The following TXNDC5 variants were observed in gnomAD, a reference collection of about 807,000 sequenced individuals.
TXNDC5 encodes the protein thioredoxin domain containing 5, also known as thioredoxin domain-containing protein 5.
TXNDC5 carries 44 observed loss-of-function variants against 52.6 expected under a neutral mutation model. That is an observed-to-expected ratio of 0.84 (90% CI 0.66 to 1.08). TXNDC5 has a LOEUF of 1.08. Among genes scored for constraint, TXNDC5 ranks in the 50% least tolerant of loss-of-function variants. The pLI is 0.00. For missense variants in TXNDC5, 600 were observed against 565.5 expected (o/e 1.06, Z -0.62); for synonymous variants, 241 against 234.4 (o/e 1.03, Z -0.26).
At position 7,888,756 on chromosome 6, in the gene TXNDC5, G is replaced by A. The variant is rs944865454; in HGVS notation, c.912C>T (p.Thr304=). 11 of 1,613,924 alleles carry A rather than the reference G, an allele frequency of 6.8e-6. No homozygotes were observed. Among genetic ancestry groups the A allele is most frequent in the African/African-American group, 2.7e-5 (2 of 74,944 alleles). Residue 304 remains threonine, a synonymous_variant, in exon 7 of 10, where the codon ACC becomes ACT. Coordinates refer to ENST00000379757, the MANE Select transcript of TXNDC5 (RefSeq NM_030810.5). The stretch of plus-strand genomic sequence containing the variant: ...GCACCGGGGCCTCTGAGGGCGTGAC[G>A]GTCTCCGTCGCTCCAGTCTCTGTGC... ...LQRTETGATE[T]VTPSEAPVLA...
intron 2 of TXNDC5, chr6:7,900,269 C>T (rs568175721): frequency 6.6e-6 from 1 of 152,276 alleles, no homozygotes; most frequent in African/African-American, 2.4e-5. Flanking sequence ...CTGAAGGAAT[C>T]TGCAGAGAGG....
rs138056096 is a variant in TXNDC5, at chr6:7,899,757, A to G, written c.414-76T>C. The G allele has an allele frequency of 5.9e-6, 7 of 1,185,414 alleles. No homozygotes were observed. The East Asian group carries it at 1.7e-4, about 29-fold the overall frequency. The allele number at this position is 1,185,414 out of a possible 1,614,324, so 73.4% of individuals were successfully genotyped here. ...AGAGAGCAAACTCATTTAGTGAAACAATCAGAAAATGAGCTGTCAAGGGGC... is the reference window on the plus strand; with the variant it reads ...AGAGAGCAAACTCATTTAGTGAAACGATCAGAAAATGAGCTGTCAAGGGGC... On this transcript the variant is annotated intron_variant, in intron 2 of 9. Coordinates refer to ENST00000379757, the MANE Select transcript of TXNDC5 (RefSeq NM_030810.5).
intron 2 of TXNDC5, among the ~76,000 whole-genome samples, chr6:7,900,987 G>A (rs1760546797): frequency 6.6e-6 from 1 of 152,048 alleles, no homozygotes; most frequent in Non-Finnish European, 1.5e-5. Flanking sequence ...TTAAAATGAA[G>A]TCACATGGCT....
At chr6:7,883,677 G>A (rs903714391) in intron 9 of TXNDC5, among the ~76,000 whole-genome samples, 14 of 152,084 alleles carry the variant, frequency 9.2e-5, no homozygotes, top group African/African-American at 3.4e-4. Context: ...ATCCTCTTGA[G>A]GATACATGTT....
intron 2 of TXNDC5, 100 bp from the exon 3 acceptor site, chr6:7,899,781 G>T: frequency 2.4e-6 from 2 of 819,408 alleles, no homozygotes; most frequent in Non-Finnish European, 3.8e-6. Flanking sequence ...CTGTCAAGGG[G>T]CTGCAGCCAG....
chr6:7,908,422 C>T (rs1323104626), intron 1 of TXNDC5, among the ~76,000 whole-genome samples: 1 of 151,930 alleles, frequency 6.6e-6, no homozygotes, highest in East Asian at 1.9e-4. Flanking sequence ...TTCTCTCACT[C>T]AGCCCAGGAC....
At chr6:7,894,618 G>C (rs902032858) in intron 4 of TXNDC5, 8 of 708,992 alleles carry the variant, frequency 1.1e-5, no homozygotes, top group Non-Finnish European at 1.4e-5. Context: ...ATGTGCTACA[G>C]CATTACTTCT....
In TXNDC5 at chr6:7,890,721, A is replaced by G. The variant is rs147080661; in HGVS notation, c.732+900T>C. Among the ~76,000 whole-genome samples the G allele has an allele frequency of 1.4e-3, 208 of 152,352 alleles. 1 individual carries two copies. The highest frequency in any genetic ancestry group is 4.7e-3 in the African/African-American group (194 of 41,582). On this transcript the variant is annotated intron_variant, in intron 5 of 9. Transcript: ENST00000379757. ...GTGAAATATCCATTTAACTGACAAC[A>G]AAAGTGATTACAATTTACCAAGCAT...
At chr6:7,888,059 A>G (rs1296523942) in intron 7 of TXNDC5, among the ~76,000 whole-genome samples, 1 of 152,314 alleles carries the variant, frequency 6.6e-6, no homozygotes, top group East Asian at 1.9e-4. Context: ...AGAGACCTGT[A>G]TGCTTCAGAG....
chr6:7,890,846 G>A (rs1907), intron 5 of TXNDC5, among the ~76,000 whole-genome samples: 4,243 of 152,202 alleles, frequency 0.028, 83 homozygotes, highest in African/African-American at 0.06. Context: ...AGACCGAGGC[G>A]TGGAGAGGTT....
At chr6:7,891,967 C>T (rs1056664367) in intron 4 of TXNDC5, among the ~76,000 whole-genome samples, 8 of 152,328 alleles carry the variant, frequency 5.3e-5, no homozygotes, top group Middle Eastern at 6.8e-3. Flanking sequence ...CAGCAATCAA[C>T]TCATTATTTG....
Position 7,889,493 on chromosome 6 carries a change from A to T in TXNDC5, c.819+2T>A. ...TCTCAGTACTAAGAAGTGCAGACGTACCTTTTTCCCATCTCGGAACCAGAG... is the reference window on the plus strand; with the variant it reads ...TCTCAGTACTAAGAAGTGCAGACGTTCCTTTTTCCCATCTCGGAACCAGAG... On this transcript the variant is annotated splice_donor_variant, in intron 6 of 9. Coordinates refer to ENST00000379757, the MANE Select transcript of TXNDC5 (RefSeq NM_030810.5). LOFTEE classifies it high-confidence loss of function. The T allele has an allele frequency of 6.2e-7, 1 of 1,613,198 alleles. No individual in the cohort carries two copies. The highest frequency in any genetic ancestry group is 8.5e-7 in the Non-Finnish European group (1 of 1,179,202).
rs746980547 is a variant in TXNDC5, at chr6:7,882,521, G to A, written c.*623C>T. 6.6e-6 allele frequency: 1 copy of A among 152,376 alleles called. No individual in the cohort carries two copies. Among genetic ancestry groups the A allele is most frequent in the Non-Finnish European group, 1.5e-5 (1 of 68,184 alleles). 9.4% of individuals were successfully genotyped at this position (152,376 alleles called of 1,614,324 possible). On this transcript the variant is annotated 3_prime_UTR_variant, in exon 10 of 10. Transcript: ENST00000379757. ...ATGGCATCAGCATTCTCTTACTCAG[G>A]CACGGTCAGAAGTAACGCTGCTTTC...
chr6:7,893,781 A>C (rs7744575), intron 4 of TXNDC5, among the ~76,000 whole-genome samples: 2,367 of 152,346 alleles, frequency 0.016, 53 homozygotes, highest in African/African-American at 0.054. Flanking sequence ...TCTGACTCCC[A>C]GCAGGCACAA....
chr6:7,900,012 T>G (rs1760507801), intron 2 of TXNDC5: 1 of 153,724 alleles, frequency 6.5e-6, no homozygotes, highest in East Asian at 1.9e-4. Flanking sequence ...GCTACTGTTA[T>G]GCTTTCCCGG....
At chr6:7,891,811 T>C (rs1366733292) in intron 4 of TXNDC5, 75 bp from the exon 5 acceptor site, 23 of 1,061,874 alleles carry the variant, frequency 2.2e-5, no homozygotes, top group African/African-American at 1.3e-4. Flanking sequence ...AGAGAGTTAA[T>C]TGAAGAATCA....
At chr6:7,885,848 A>G (rs1488050164) in intron 8 of TXNDC5, 113 bp downstream of exon 8, 2 of 900,908 alleles carry the variant, frequency 2.2e-6, no homozygotes, top group African/African-American at 1.7e-5. Context: ...TGACCTACAT[A>G]TAAATGTAAC....
At chr6:7,905,791 C>T (rs1760711030) in intron 1 of TXNDC5, among the ~76,000 whole-genome samples, 1 of 152,214 alleles carries the variant, frequency 6.6e-6, no homozygotes, top group Non-Finnish European at 1.5e-5. Flanking sequence ...CTGATGCCTA[C>T]AATGTAACCA....
intron 1 of TXNDC5, among the ~76,000 whole-genome samples, chr6:7,909,056 G>A (rs540530680): frequency 6.6e-6 from 1 of 152,318 alleles, no homozygotes; most frequent in African/African-American, 2.4e-5. Context: ...TCTTAGGAAT[G>A]TGAAACATAA....
Sources: gnomAD v4.1 joint callset for allele counts (sites outside exome capture counted in the v4.1 genomes callset) on GRCh38, gnomAD v4.1.1 for gene constraint, MANE v1.5 for transcripts, NCBI Gene and HGNC (gene_info 2026-07-23, HGNC 2026-07-21) for gene names.